The following ZIC2 variants were observed in gnomAD, a reference collection of about 807,000 sequenced individuals.
The protein encoded by ZIC2 is zinc finger protein ZIC 2.
In ZIC2, 7 loss-of-function variants were observed where a neutral mutation model predicts 29.5. The ratio of observed to expected loss-of-function variants is 0.24; its 90% CI spans 0.14 to 0.45. The LOEUF is 0.45. Ranked by LOEUF, ZIC2 falls within the 20% of genes least tolerant of loss-of-function variation. The pLI, the probability that ZIC2 is intolerant of heterozygous loss-of-function variation, is 1.00. For missense variants in ZIC2, 589 were observed against 781.2 expected (o/e 0.75, Z 2.93); for synonymous variants, 408 against 354.2 (o/e 1.15, Z -1.70).
chr13:99,982,633 G>A lies in ZIC2; in HGVS notation c.569G>A (p.Arg190His). The change falls in exon 1 of 3, where the codon CGC becomes CAC. Residue 190 changes from arginine (R) to histidine (H), a missense_variant. Physicochemically the swap from Arg to His is conservative, Grantham distance 29. Transcript: ENST00000376335. Reference sequence around the variant, plus strand: ...GGGCTGCCCGGCGAGGTGTTCGGGCGCTCGGAGCAATACCGCCAGGTGGCC... The same window carrying A: ...GGGCTGCCCGGCGAGGTGTTCGGGCACTCGGAGCAATACCGCCAGGTGGCC... ...RLGLPGEVFG[R>H]SEQYRQVASP... 6.3e-7 allele frequency: 1 copy of A among 1,596,014 alleles called. No individual in the cohort carries two copies.
Position 99,986,136 on chromosome 13 carries a change from C to T in ZIC2, c.*454C>T, listed in dbSNP as rs2053268551. On this transcript the variant is annotated 3_prime_UTR_variant, in exon 3 of 3. Transcript: ENST00000376335. ...TCCGGATTGCGTTCCTCCCCGCCTT[C>T]CGCCCCTTCCCTTCCCTAAAGTGAT... 3 of 444,310 alleles carry T rather than the reference C, an allele frequency of 6.8e-6. No homozygotes were observed. The highest frequency in any genetic ancestry group is 2.5e-5 in the Admixed American group (1 of 39,608). 27.5% of individuals were successfully genotyped at this position (444,310 alleles called of 1,614,324 possible).
chr13:99,983,876 C>G lies in ZIC2; in HGVS notation c.1075+737C>G, dbSNP rs1479980096. Among the ~76,000 whole-genome samples the G allele has an allele frequency of 6.6e-6, 1 of 152,188 alleles. No homozygotes were observed. Among genetic ancestry groups the G allele is most frequent in the Non-Finnish European group, 1.5e-5 (1 of 68,032 alleles). On this transcript the variant is annotated intron_variant, in intron 1 of 2. Transcript: ENST00000376335. This position sits in a 1 kb window ranked among gnomAD's most constrained non-coding sequence, Gnocchi z 4.7. ...AGAGAGCCGCAAAAGAACGCGCCTC[C>G]CGCCTCATAGATTATTCATCTATGA...
In ZIC2 at chr13:99,985,749, G is replaced by T; in HGVS notation, c.*67G>T. On this transcript the variant is annotated 3_prime_UTR_variant, in exon 3 of 3. Coordinates refer to ENST00000376335, the MANE Select transcript of ZIC2 (RefSeq NM_007129.5). This position sits in a 1 kb window ranked among gnomAD's most constrained non-coding sequence, Gnocchi z 6.3. ...GCAGCAGCCCTCCCCGCAGCTAGCA[G>T]CGAGGGCACCTTGTGATCATGTTGT... 1.1e-6 allele frequency: 1 copy of T among 947,168 alleles called. No individual in the cohort carries two copies. The allele number at this position is 947,168 out of a possible 1,614,324, so 58.7% of individuals were successfully genotyped here.
Position 99,985,385 on chromosome 13 carries a change from G to A in ZIC2, c.1302G>A (p.Ser434=), listed in dbSNP as rs376758883. 1.1e-5 allele frequency: 17 copies of A among 1,597,470 alleles called. No homozygotes were observed. In the South Asian group the frequency reaches 1.5e-4, roughly 14 times the overall value. ...CGGCCGCCAGCTCCGGCTATGAGTC[G>A]TCCACGCCCCCGGGGCTGGTGTCCC... ...SSPAASSGYE[S]STPPGLVSPS... The change falls in exon 3 of 3, where the codon TCG becomes TCA. Residue 434 remains serine, a synonymous_variant. Coordinates refer to ENST00000376335, the MANE Select transcript of ZIC2 (RefSeq NM_007129.5). The surrounding 1 kb of genome is among the most constrained non-coding windows in gnomAD (Gnocchi z 6.3).
At position 99,981,975 on chromosome 13, in the gene ZIC2, G is replaced by A; in HGVS notation, c.-90G>A. ...CACCGCCGCCTGCGCCTGGAGCCCG[G>A]TGGCCGCCGGACGCACCGCGCGGAT... On this transcript the variant is annotated 5_prime_UTR_variant, in exon 1 of 3. In the 5' UTR this introduces an upstream ATG that the reference lacks. Transcript: ENST00000376335. The A allele has an allele frequency of 8.4e-7, 1 of 1,190,202 alleles. No homozygotes were observed. The highest frequency in any genetic ancestry group is 1.0e-6 in the Non-Finnish European group (1 of 962,966). 73.7% of individuals were successfully genotyped at this position (1,190,202 alleles called of 1,614,324 possible).
chr13:99,985,616 C>CG lies in ZIC2; in HGVS notation c.1538dup (p.Ser514GlnfsTer16). On this transcript the variant is annotated frameshift_variant, in exon 3 of 3. Coordinates refer to ENST00000376335, the MANE Select transcript of ZIC2 (RefSeq NM_007129.5). LOFTEE classifies it high-confidence loss of function. This position sits in a 1 kb window ranked among gnomAD's most constrained non-coding sequence, Gnocchi z 6.3. ...GCGGCGGGGGCGGCGGCAGCTCTGG[C>CG]GGGGGCAGCGGGACAGCCGGGGGTC... 1.1e-6 allele frequency: 1 copy of CG among 901,926 alleles called. No individual in the cohort carries two copies. Among genetic ancestry groups the CG allele is most frequent in the Non-Finnish European group, 1.4e-6 (1 of 700,990 alleles). The allele number at this position is 901,926 out of a possible 1,614,324, so 55.9% of individuals were successfully genotyped here.
chr13:99,984,624 G>T (rs557570512), intron 1 of ZIC2: 6 of 395,470 alleles, frequency 1.5e-5, no homozygotes, highest in Non-Finnish European at 2.9e-5. Flanking sequence ...TCCGTGGCGA[G>T]AGCAACTTGT....
rs183755610 is a variant in ZIC2 at position 99,986,278 on chromosome 13, A to T, written c.*596A>T. ...GTGTTCCTTTTTATGAGGCAACCTGATTGTAAACTTCATGTAACTATAGAC... is the reference window on the plus strand; with the variant it reads ...GTGTTCCTTTTTATGAGGCAACCTGTTTGTAAACTTCATGTAACTATAGAC... On this transcript the variant is annotated 3_prime_UTR_variant, in exon 3 of 3. Transcript: ENST00000376335. 6.6e-6 allele frequency: 2 copies of T among 303,918 alleles called. No individual in the cohort carries two copies. The highest frequency in any genetic ancestry group is 4.4e-5 in the African/African-American group (2 of 45,784). The allele number at this position is 303,918 out of a possible 1,614,324, so 18.8% of individuals were successfully genotyped here. A position where few individuals can be genotyped will look rare whatever the true frequency, so the allele number is the denominator to read the frequency against.
rs2053234601 is a variant in ZIC2, at chr13:99,981,892, G to A, written c.-173G>A. On this transcript the variant is annotated 5_prime_UTR_variant, in exon 1 of 3. Transcript: ENST00000376335. ...GCCCGGCCGCCCGAGGCAGATCCAG[G>A]CGGCGGCGGAGGCGGCGGGCGCAGG... 2 of 1,218,372 alleles carry A rather than the reference G, an allele frequency of 1.6e-6. No homozygotes were observed. The highest frequency in any genetic ancestry group is 1.0e-6 in the Non-Finnish European group (1 of 952,522). The allele number at this position is 1,218,372 out of a possible 1,614,324, so 75.5% of individuals were successfully genotyped here.
rs558634491 is a variant in ZIC2 at position 99,983,843 on chromosome 13, G to T, written c.1075+704G>T. Among the ~76,000 whole-genome samples the T allele has an allele frequency of 6.6e-6, 1 of 152,184 alleles. No homozygotes were observed. Among genetic ancestry groups the T allele is most frequent in the East Asian group, 1.9e-4 (1 of 5,196 alleles). On this transcript the variant is annotated intron_variant, in intron 1 of 2. Transcript: ENST00000376335. The surrounding 1 kb of genome is among the most constrained non-coding windows in gnomAD (Gnocchi z 4.7). ...CAGCGCGGCCCCGCGGGGGGATCGCGTGAGAAGAGAGAGCCGCAAAAGAAC... is the reference window on the plus strand; with the variant it reads ...CAGCGCGGCCCCGCGGGGGGATCGCTTGAGAAGAGAGAGCCGCAAAAGAAC...
At chr13:99,984,925 G>T (rs769776768) in intron 1 of ZIC2, 21 bp from the exon 2 acceptor site, 2 of 1,613,904 alleles carry the variant, frequency 1.2e-6, no homozygotes, top group Admixed American at 1.7e-5. Flanking sequence ...TGCAGCCAGC[G>T]CCGATGTTTG....
rs1304992947 is a variant in ZIC2, at chr13:99,985,484, G to T, written c.1401G>T (p.Ala467=). ...CAGCGGCGGCGGCGGCTGCGGCGGC[G>T]GCGGCCGCGGTGTCCGCGGTGCACC... The part of the protein sequence containing the change: ...AAAAAAAAAA[A]AAAVSAVHRG... Residue 467 remains alanine (A), a synonymous_variant, in exon 3 of 3, where the codon GCG becomes GCT. Coordinates refer to ENST00000376335, the MANE Select transcript of ZIC2 (RefSeq NM_007129.5). This position sits in a 1 kb window ranked among gnomAD's most constrained non-coding sequence, Gnocchi z 6.3. The T allele has an allele frequency of 1.6e-6, 2 of 1,260,006 alleles. No homozygotes were observed. Among genetic ancestry groups the T allele is most frequent in the Non-Finnish European group, 2.0e-6 (2 of 1,010,934 alleles). The allele number at this position is 1,260,006 out of a possible 1,614,324, so 78.1% of individuals were successfully genotyped here.
rs1220862954 is a variant in ZIC2 at position 99,985,641 on chromosome 13, C to G, written c.1558C>G (p.His520Asp). The G allele has an allele frequency of 3.1e-6, 4 of 1,289,724 alleles. No homozygotes were observed. Among genetic ancestry groups the G allele is most frequent in the Non-Finnish European group, 4.0e-6 (4 of 998,642 alleles). 79.9% of individuals were successfully genotyped at this position (1,289,724 alleles called of 1,614,324 possible). A position where few individuals can be genotyped will look rare whatever the true frequency, so the allele number is the denominator to read the frequency against. The stretch of plus-strand genomic sequence containing the variant: ...CGGGGGCAGCGGGACAGCCGGGGGT[C>G]ACAGCGGCCTCTCCTCCAACTTCAA... Reference protein sequence around the residue: ...SGGGSGTAGGHSGLSSNFNEW... With the variant: ...SGGGSGTAGGDSGLSSNFNEW... Residue 520 changes from histidine (H) to aspartate (D), a missense_variant, in exon 3 of 3, where the codon CAC becomes GAC. By Grantham distance (81) the His-to-Asp change is moderately conservative (BLOSUM62 -1). Coordinates refer to ENST00000376335, the MANE Select transcript of ZIC2 (RefSeq NM_007129.5). This position sits in a 1 kb window ranked among gnomAD's most constrained non-coding sequence, Gnocchi z 6.3.
At position 99,982,147 on chromosome 13, in the gene ZIC2, C is replaced by G. The variant is rs745788400; in HGVS notation, c.83C>G (p.Ala28Gly). 4 of 1,338,828 alleles carry G rather than the reference C, an allele frequency of 3.0e-6. No individual in the cohort carries two copies. Among genetic ancestry groups the G allele is most frequent in the Non-Finnish European group, 3.8e-6 (4 of 1,050,046 alleles). 82.9% of individuals were successfully genotyped at this position (1,338,828 alleles called of 1,614,324 possible). ...ARHHHHSAAAAAAAAAEMQDR... is the reference protein window; with the variant it reads ...ARHHHHSAAAGAAAAAEMQDR... ...CACCATCACCACTCCGCCGCGGCGG[C>G]GGCGGCGGCTGCCGCCGAGATGCAG... Residue 28 changes from alanine (A) to glycine (G), a missense_variant, in exon 1 of 3, where the codon GCG (alanine) becomes GGG (glycine). By Grantham distance (60) the Ala-to-Gly change is moderately conservative. Coordinates refer to ENST00000376335, the MANE Select transcript of ZIC2 (RefSeq NM_007129.5).
rs1250759694 is a variant in ZIC2 at position 99,981,802 on chromosome 13, ACCTCCTCCTCCTCCTCCCGCGCCGCCG to A, written c.-249_-223del. On this transcript the variant is annotated 5_prime_UTR_variant, in exon 1 of 3. Coordinates refer to ENST00000376335, the MANE Select transcript of ZIC2 (RefSeq NM_007129.5). ...TGGCTTTGGACTCTTCTCCTCCTCC[ACCTCCTCCTCCTCCTCCCGCGCCGCCG>A]CCTCCTCCTCCTCTTCCTCTCCGCG... 1.1e-5 allele frequency: 6 copies of A among 544,022 alleles called. No individual in the cohort carries two copies. The African/African-American group carries it at 1.4e-4, about 13-fold the overall frequency. 33.7% of individuals were successfully genotyped at this position (544,022 alleles called of 1,614,324 possible). A position where few individuals can be genotyped will look rare whatever the true frequency, so the allele number is the denominator to read the frequency against.
In ZIC2 at chr13:99,986,016, T is replaced by G. The variant is rs1292592784; in HGVS notation, c.*334T>G. 8 of 455,356 alleles carry G rather than the reference T, an allele frequency of 1.8e-5. No homozygotes were observed. The highest frequency in any genetic ancestry group is 3.1e-5 in the Non-Finnish European group (7 of 226,842). The allele number at this position is 455,356 out of a possible 1,614,324, so 28.2% of individuals were successfully genotyped here. ...GTTCTTTCCCACCCTGTTCCCAGTC[T>G]TCTGACAAACTGTGTACATAGCGGA... On this transcript the variant is annotated 3_prime_UTR_variant, in exon 3 of 3. Coordinates refer to ENST00000376335, the MANE Select transcript of ZIC2 (RefSeq NM_007129.5).
In ZIC2 at chr13:99,985,836, G is replaced by GTTTTT. The variant is rs34544768; in HGVS notation, c.*166_*170dup. On this transcript the variant is annotated 3_prime_UTR_variant, in exon 3 of 3. Transcript: ENST00000376335. The surrounding 1 kb of genome is among the most constrained non-coding windows in gnomAD (Gnocchi z 6.3). ...TTTACCAGCAGAAGGATTTTTTAAA[G>GTTTTT]TTTTTTTTTTTTTTTTAATAATAAT... 9.8e-3 allele frequency: 1,813 copies of GTTTTT among 185,886 alleles called. 24 individuals carry two copies. Among genetic ancestry groups the GTTTTT allele is most frequent in the African/African-American group, 0.04 (1,553 of 39,056 alleles). The allele number at this position is 185,886 out of a possible 1,614,324, so 11.5% of individuals were successfully genotyped here.
rs376758883 is a variant in ZIC2 at position 99,985,385 on chromosome 13, G to T, written c.1302G>T (p.Ser434=). ...CGGCCGCCAGCTCCGGCTATGAGTCGTCCACGCCCCCGGGGCTGGTGTCCC... is the reference window on the plus strand; with the variant it reads ...CGGCCGCCAGCTCCGGCTATGAGTCTTCCACGCCCCCGGGGCTGGTGTCCC... ...SSPAASSGYE[S]STPPGLVSPS... Residue 434 remains serine, a synonymous_variant, in exon 3 of 3, where the codon TCG becomes TCT. Coordinates refer to ENST00000376335, the MANE Select transcript of ZIC2 (RefSeq NM_007129.5). This position sits in a 1 kb window ranked among gnomAD's most constrained non-coding sequence, Gnocchi z 6.3. 3.2e-5 allele frequency: 51 copies of T among 1,597,360 alleles called. No individual in the cohort carries two copies. The highest frequency in any genetic ancestry group is 4.2e-5 in the Non-Finnish European group (49 of 1,179,114).
Position 99,986,606 on chromosome 13 carries a change from A to G in ZIC2, c.*924A>G, listed in dbSNP as rs2053271569. The G allele has an allele frequency of 6.5e-6, 1 of 152,934 alleles. No homozygotes were observed. Among genetic ancestry groups the G allele is most frequent in the Non-Finnish European group, 1.5e-5 (1 of 68,222 alleles). 9.5% of individuals were successfully genotyped at this position (152,934 alleles called of 1,614,324 possible). ...ATGGTATTAACTTGCTACAGAGGAAACAATATTTATAAAGAATGTTTCTTA... is the reference window on the plus strand; with the variant it reads ...ATGGTATTAACTTGCTACAGAGGAAGCAATATTTATAAAGAATGTTTCTTA... On this transcript the variant is annotated 3_prime_UTR_variant, in exon 3 of 3. Transcript: ENST00000376335.
Sources: gnomAD v4.1 joint callset for allele counts (sites outside exome capture counted in the v4.1 genomes callset) on GRCh38, gnomAD v4.1.1 for gene constraint, Gnocchi (gnomAD v3.1) non-coding constraint, MANE v1.5 for transcripts, NCBI Gene and HGNC (gene_info 2026-07-23, HGNC 2026-07-21) for gene names.